The following AKAP7 variants were observed in gnomAD, a reference collection of about 807,000 sequenced individuals.
AKAP7 encodes the protein A-kinase anchoring protein 7.
Under a neutral mutation model 39.5 loss-of-function variants are expected in AKAP7, and 39 were observed. That is an observed-to-expected ratio of 0.99 (90% confidence interval 0.76 to 1.29). The LOEUF (loss-of-function observed/expected upper bound fraction) is 1.29, where lower values mean the gene tolerates loss of function less well. Ranked by LOEUF, AKAP7 falls within the 50% of genes most tolerant of loss-of-function variation. The probability of loss-of-function intolerance (pLI) is 0.00; values close to 1 mark genes in which losing one functional copy is unlikely to be tolerated. For missense variants in AKAP7, 414 were observed against 407.7 expected, an observed-to-expected ratio of 1.02 and a Z score of -0.13; for synonymous variants, 140 against 139.1, an observed-to-expected ratio of 1.01 and a Z score of -0.05.
chr6:131,239,024 A>G (rs1811309413), intron 7 of AKAP7, among the ~76,000 whole-genome samples: 1 of 152,156 alleles, frequency 6.6e-6, no homozygotes, highest in Admixed American at 6.5e-5. Context: ...ACAATTTGGC[A>G]TGTTTTTGCA....
At chr6:131,159,998 T>TG in intron 2 of AKAP7, 61 bp from the exon 3 acceptor site, 5 of 1,414,414 alleles carry the variant, frequency 3.5e-6, no homozygotes, top group Non-Finnish European at 4.7e-6. Context: ...TTGTTTTTTT[T>TG]TCTGACTGTA....
At chr6:131,254,329 C>CTAAT (rs2128321518) in intron 7 of AKAP7, among the ~76,000 whole-genome samples, 1 of 152,166 alleles carries the variant, frequency 6.6e-6, no homozygotes, top group South Asian at 2.1e-4. Flanking sequence ...TTTGAATTAC[C>CTAAT]TAATTTCTCA....
intron 6 of AKAP7, among the ~76,000 whole-genome samples, chr6:131,217,845 C>T (rs191541236): frequency 1.3e-5 from 2 of 152,242 alleles, no homozygotes; most frequent in African/African-American, 4.8e-5. Context: ...TCTTATTTGT[C>T]TGCTGTGTTA....
At chr6:131,144,849 T>C (rs1584938538) in intron 1 of AKAP7, among the ~76,000 whole-genome samples, 1 of 152,180 alleles carries the variant, frequency 6.6e-6, no homozygotes, top group East Asian at 1.9e-4. Flanking sequence ...AACTTAAAAG[T>C]CTTTATTGAA....
At chr6:131,242,253 GGT>G (rs1437428268) in intron 7 of AKAP7, 1 of 943,324 alleles carries the variant, frequency 1.1e-6, no homozygotes, top group Non-Finnish European at 1.3e-6. Context: ...TTTTATATTT[GGT>G]ACCAAAGAAC....
chr6:131,176,692 C>G (rs1804617616), intron 5 of AKAP7, among the ~76,000 whole-genome samples: 1 of 152,072 alleles, frequency 6.6e-6, no homozygotes, highest in African/African-American at 2.4e-5. Flanking sequence ...TGTCATTTCC[C>G]CCAAAAGATG....
intron 7 of AKAP7, among the ~76,000 whole-genome samples, chr6:131,265,298 A>G (rs1281691058): frequency 6.6e-6 from 1 of 152,042 alleles, no homozygotes; most frequent in Admixed American, 6.6e-5. Flanking sequence ...CCACACCCAG[A>G]TAATTTTTGT....
At chr6:131,153,169 T>G (rs1802096017) in intron 2 of AKAP7, among the ~76,000 whole-genome samples, 2 of 150,306 alleles carry the variant, frequency 1.3e-5, no homozygotes, top group South Asian at 4.2e-4. Flanking sequence ...GGGCTCAATG[T>G]GTATCAAGTG....
chr6:131,242,502 TTA>T (rs780446384), intron 7 of AKAP7, among the ~76,000 whole-genome samples: 5 of 149,368 alleles, frequency 3.3e-5, no homozygotes, highest in Admixed American at 6.7e-5. Flanking sequence ...ATATATATAA[TTA>T]TATATATATA....
intron 7 of AKAP7, among the ~76,000 whole-genome samples, chr6:131,222,689 T>A (rs189665268): frequency 1.3e-5 from 2 of 152,214 alleles, no homozygotes; most frequent in African/African-American, 4.8e-5. Flanking sequence ...GAATCTACTC[T>A]TGGTAAAGAT....
rs763787617 is a variant in AKAP7 at position 131,281,748 on chromosome 6, G to T, written c.*22G>T. 1.3e-6 allele frequency: 2 copies of T among 1,571,148 alleles called. 1 individual carries two copies. Among genetic ancestry groups the T allele is most frequent in the South Asian group, 2.4e-5 (2 of 83,146 alleles). ...ATGAGCCCGGAACGCAGGCCCCCATGTCTCTGTGCAAAGCCTCCCTGCTTC... is the reference window on the plus strand; with the variant it reads ...ATGAGCCCGGAACGCAGGCCCCCATTTCTCTGTGCAAAGCCTCCCTGCTTC... On this transcript the variant is annotated 3_prime_UTR_variant, in exon 8 of 8. Transcript: ENST00000431975. This position sits in a 1 kb window ranked among gnomAD's most constrained non-coding sequence, Gnocchi z 4.0.
At chr6:131,228,944 A>C (rs1810414063) in intron 7 of AKAP7, among the ~76,000 whole-genome samples, 1 of 152,208 alleles carries the variant, frequency 6.6e-6, no homozygotes. Flanking sequence ...ATTGCGTTTA[A>C]TCTCAACTTC....
chr6:131,246,501 G>T (rs2128316351), intron 7 of AKAP7, among the ~76,000 whole-genome samples: 1 of 152,292 alleles, frequency 6.6e-6, no homozygotes, highest in African/African-American at 2.4e-5. Context: ...CTACTGAGAA[G>T]AGTGTTAATT....
chr6:131,184,872 G>A (rs182374092), intron 5 of AKAP7: 3 of 1,304,718 alleles, frequency 2.3e-6, no homozygotes, highest in East Asian at 2.3e-5. Flanking sequence ...CACAGGCATA[G>A]GGCTTATCCT....
intron 7 of AKAP7, among the ~76,000 whole-genome samples, chr6:131,228,805 T>A (rs1376098589): frequency 1.3e-5 from 2 of 152,176 alleles, no homozygotes; most frequent in Non-Finnish European, 2.9e-5. Context: ...GGGTTAACAT[T>A]TACATGCAAA....
chr6:131,133,525 G>T (rs1049372336), upstream of AKAP7, among the ~76,000 whole-genome samples: 2 of 152,274 alleles, frequency 1.3e-5, no homozygotes, highest in Middle Eastern at 3.4e-3. Flanking sequence ...TCCTCCACAT[G>T]GTAGGTGTTG....
At chr6:131,238,353 G>C (rs915586173) in intron 7 of AKAP7, among the ~76,000 whole-genome samples, 1 of 152,144 alleles carries the variant, frequency 6.6e-6, no homozygotes, top group Non-Finnish European at 1.5e-5. Flanking sequence ...GAATACGTGT[G>C]GTGTGGTGCT....
chr6:131,193,150 T>C (rs1194225947), intron 5 of AKAP7, among the ~76,000 whole-genome samples: 1 of 152,196 alleles, frequency 6.6e-6, no homozygotes, highest in African/African-American at 2.4e-5. Flanking sequence ...ATCCTTGTTA[T>C]GTTCCAGATG....
intron 1 of AKAP7, among the ~76,000 whole-genome samples, chr6:131,136,275 C>A (rs1276219629): frequency 6.6e-6 from 1 of 152,132 alleles, no homozygotes; most frequent in Non-Finnish European, 1.5e-5. Flanking sequence ...TACACTAGCG[C>A]CCGGAATGAA....
Sources: gnomAD v4.1 joint callset for allele counts (sites outside exome capture counted in the v4.1 genomes callset) on GRCh38, gnomAD v4.1.1 for gene constraint, Gnocchi (gnomAD v3.1) non-coding constraint, MANE v1.5 for transcripts, NCBI Gene and HGNC (gene_info 2026-07-23, HGNC 2026-07-21) for gene names.